The following ZFAND6 variants were observed in gnomAD, a reference collection of about 807,000 sequenced individuals.
ZFAND6 encodes the protein AN1-type zinc finger protein 6.
A neutral mutation model predicts 24.5 loss-of-function variants in ZFAND6; 12 were observed. The ratio of observed to expected loss-of-function variants is 0.49; its 90% CI spans 0.31 to 0.79. The LOEUF is 0.79. Among genes scored for constraint, ZFAND6 ranks in the 30% least tolerant of loss-of-function variants. ZFAND6 has a pLI of 0.04. For synonymous variants in ZFAND6, 92 were observed against 81.5 expected (o/e 1.13, Z -0.69); for missense variants, 207 against 245.9 (o/e 0.84, Z 1.06).
chr15:80,084,971 C>T (rs180731621), intron 1 of ZFAND6, among the ~76,000 whole-genome samples: 7 of 152,310 alleles, frequency 4.6e-5, no homozygotes, highest in Middle Eastern at 3.4e-3. Context: ...TCCTTTTGCT[C>T]TAGAGCTCTA....
At chr15:80,071,871 A>C (rs1180947481) in intron 1 of ZFAND6, among the ~76,000 whole-genome samples, 1 of 152,100 alleles carries the variant, frequency 6.6e-6, no homozygotes, top group Non-Finnish European at 1.5e-5. Context: ...ACCTTGGCAA[A>C]ATACTCACAT....
At position 80,124,314 on chromosome 15, in the gene ZFAND6, T is replaced by A. The variant is rs559522080; in HGVS notation, c.364+1514T>A. ...TGGGCGTGGTGGCGGGCATCTGTAG[T>A]CCTAGCTACTGGGGAGGCTGAGGCA... is the stretch of plus-strand genomic sequence containing the variant. On this transcript the variant is annotated intron_variant, in intron 5 of 6. Transcript: ENST00000261749. Among the ~76,000 whole-genome samples the A allele has an allele frequency of 3.9e-5, 6 of 152,204 alleles. No individual in the cohort carries two copies. In the East Asian group the frequency reaches 1.2e-3, roughly 29 times the overall value.
chr15:80,075,802 A>G (rs1390790858), intron 1 of ZFAND6, among the ~76,000 whole-genome samples: 1 of 152,136 alleles, frequency 6.6e-6, no homozygotes, highest in East Asian at 1.9e-4. Context: ...ATGCCATCGG[A>G]GAAAATGAAC....
intron 1 of ZFAND6, among the ~76,000 whole-genome samples, chr15:80,091,092 A>G (rs1047373546): frequency 3.9e-5 from 6 of 152,110 alleles, no homozygotes; most frequent in African/African-American, 1.4e-4. Context: ...GAGGAAGAGA[A>G]GTTGCCAAAG....
intron 1 of ZFAND6, among the ~76,000 whole-genome samples, chr15:80,063,557 A>AT (rs2036448844): frequency 6.9e-6 from 1 of 145,658 alleles, no homozygotes; most frequent in Non-Finnish European, 1.5e-5. Context: ...ACGCCCAGCT[A>AT]ATTTTTTTTT....
intron 2 of ZFAND6, among the ~76,000 whole-genome samples, chr15:80,103,337 A>C (rs964172994): frequency 2.6e-5 from 4 of 152,216 alleles, no homozygotes; most frequent in African/African-American, 9.7e-5. Context: ...TTACTCTAAT[A>C]CATACCTAAT....
At chr15:80,131,782 A>G (rs2040617975) in intron 6 of ZFAND6, among the ~76,000 whole-genome samples, 2 of 152,226 alleles carry the variant, frequency 1.3e-5, no homozygotes, top group South Asian at 4.1e-4. Context: ...TGGGAGGGAG[A>G]AAGAAATGTT....
chr15:80,119,178 AATTG>A (rs796710529), intron 2 of ZFAND6, among the ~76,000 whole-genome samples: 5 of 152,296 alleles, frequency 3.3e-5, no homozygotes, highest in African/African-American at 1.2e-4. Flanking sequence ...CATCTGCTGT[AATTG>A]ATTATTGCTT....
intron 1 of ZFAND6, among the ~76,000 whole-genome samples, chr15:80,069,090 C>T (rs949214367): frequency 3.3e-5 from 5 of 152,116 alleles, no homozygotes; most frequent in East Asian, 1.9e-4. Context: ...AATGAGTCTT[C>T]GTCTTTTATG....
chr15:80,138,176 T>C lies in ZFAND6; in HGVS notation c.*548T>C, dbSNP rs939623018. The C allele has an allele frequency of 2.0e-5, 3 of 152,706 alleles. No homozygotes were observed. Among genetic ancestry groups the C allele is most frequent in the African/African-American group, 7.2e-5 (3 of 41,468 alleles). The allele number at this position is 152,706 out of a possible 1,614,324, so 9.5% of individuals were successfully genotyped here. The stretch of plus-strand genomic sequence containing the variant: ...GAATCATTTGTCACAAGAGAGTGTG[T>C]GCTGATGAGATTGTAAGTTTGTGTG... On this transcript the variant is annotated 3_prime_UTR_variant, in exon 7 of 7. Transcript: ENST00000261749.
chr15:80,118,016 TTG>T (rs71455308), intron 2 of ZFAND6, among the ~76,000 whole-genome samples: 7 of 150,410 alleles, frequency 4.7e-5, no homozygotes, highest in East Asian at 1.9e-4. Context: ...AGGTATTGAA[TTG>T]TGTGTGTGTG....
chr15:80,126,827 A>G (rs2040388930), intron 5 of ZFAND6, among the ~76,000 whole-genome samples: 1 of 152,208 alleles, frequency 6.6e-6, no homozygotes, highest in African/African-American at 2.4e-5. Flanking sequence ...AAGAGTGGAA[A>G]AACAGCCAGG....
chr15:80,075,565 G>A (rs753083629), intron 1 of ZFAND6, among the ~76,000 whole-genome samples: 7 of 151,964 alleles, frequency 4.6e-5, no homozygotes, highest in East Asian at 1.9e-4. Flanking sequence ...TGATGGTTGC[G>A]TTTTATTTCA....
At chr15:80,122,853 A>G (rs2142020851) in intron 5 of ZFAND6, 53 bp downstream of exon 5, 1 of 1,446,296 alleles carries the variant, frequency 6.9e-7, no homozygotes, top group East Asian at 2.3e-5. Context: ...TAGGCCAGAC[A>G]CTATCCTAGG....
chr15:80,099,073 A>G (rs1567073139), intron 2 of ZFAND6, among the ~76,000 whole-genome samples: 1 of 152,168 alleles, frequency 6.6e-6, no homozygotes, highest in Non-Finnish European at 1.5e-5. Flanking sequence ...GTCAAAGAGT[A>G]TATCAAAATA....
chr15:80,095,139 C>G (rs1454786250), intron 1 of ZFAND6, among the ~76,000 whole-genome samples: 1 of 152,132 alleles, frequency 6.6e-6, no homozygotes, highest in African/African-American at 2.4e-5. Flanking sequence ...GTTGCCACAT[C>G]TCTTTATTCT....
intron 2 of ZFAND6, among the ~76,000 whole-genome samples, chr15:80,112,586 T>G (rs150828384): frequency 5.9e-5 from 9 of 152,164 alleles, no homozygotes; most frequent in Non-Finnish European, 1.0e-4. Flanking sequence ...TTAGTAGAGA[T>G]AAGGTTTCAC....
At chr15:80,068,633 A>G (rs997866855) in intron 1 of ZFAND6, among the ~76,000 whole-genome samples, 3 of 152,156 alleles carry the variant, frequency 2.0e-5, no homozygotes, top group African/African-American at 7.2e-5. Flanking sequence ...TGGCCTCCCA[A>G]AGTGCTGGGA....
chr15:80,114,798 C>T (rs2039793653), intron 2 of ZFAND6, among the ~76,000 whole-genome samples: 1 of 151,950 alleles, frequency 6.6e-6, no homozygotes, highest in South Asian at 2.1e-4. Flanking sequence ...TAAGAACTTC[C>T]TAGGTAAAAA....
Sources: gnomAD v4.1 joint callset for allele counts (sites outside exome capture counted in the v4.1 genomes callset) on GRCh38, gnomAD v4.1.1 for gene constraint, MANE v1.5 for transcripts, NCBI Gene and HGNC (gene_info 2026-07-23, HGNC 2026-07-21) for gene names.